CDH13: variants seen among roughly 807,000 people sequenced by gnomAD.
The protein encoded by CDH13 is cadherin 13, also known as cadherin-13.
Under a neutral mutation model 63.8 loss-of-function variants are expected in CDH13, and 24 were observed. The ratio of observed to expected loss-of-function variants is 0.38; its 90% CI spans 0.27 to 0.53. CDH13 has a LOEUF of 0.53. Among genes scored for constraint, CDH13 ranks in the 20% least tolerant of loss-of-function variants. The pLI, the probability that CDH13 is intolerant of heterozygous loss-of-function variation, is 0.85. For synonymous variants in CDH13, 503 were observed against 355.3 expected, an observed-to-expected ratio of 1.42 and a Z score of -4.67; for missense variants, 1,049 against 903.1, an observed-to-expected ratio of 1.16 and a Z score of -2.07.
At chr16:83,326,495 T>G (rs1176769264) in intron 5 of CDH13, among the ~76,000 whole-genome samples, 1 of 152,034 alleles carries the variant, frequency 6.6e-6, no homozygotes, top group Non-Finnish European at 1.5e-5. Context: ...AATATTTGTT[T>G]ATGTGTGACC....
chr16:82,687,962 C>A (rs1166743343), intron 1 of CDH13, among the ~76,000 whole-genome samples: 17 of 152,160 alleles, frequency 1.1e-4, no homozygotes, highest in Admixed American at 1.1e-3. Context: ...CGTAGGACAA[C>A]TTTTACTGTC....
chr16:83,133,975 C>G (rs1363204980), intron 4 of CDH13, among the ~76,000 whole-genome samples: 4 of 152,324 alleles, frequency 2.6e-5, no homozygotes, highest in South Asian at 2.1e-4. Context: ...GAATTGAATT[C>G]TAGCCATATG....
intron 5 of CDH13, among the ~76,000 whole-genome samples, chr16:83,236,237 G>GCACGCACA (rs1555517179): frequency 6.7e-6 from 1 of 149,006 alleles, no homozygotes; most frequent in Middle Eastern, 3.5e-3. Context: ...ACACGCACAT[G>GCACGCACA]CACACACACA....
At chr16:83,759,001 G>A (rs1236406621) in intron 11 of CDH13, among the ~76,000 whole-genome samples, 1 of 152,160 alleles carries the variant, frequency 6.6e-6, no homozygotes, top group East Asian at 1.9e-4. Context: ...ACCATGCAAA[G>A]TCCCAATCCC....
chr16:83,699,646 C>T (rs1235582238), intron 10 of CDH13, among the ~76,000 whole-genome samples: 1 of 151,862 alleles, frequency 6.6e-6, no homozygotes, highest in African/African-American at 2.4e-5. Flanking sequence ...CGTGTATGTG[C>T]ACACGCACAT....
intron 4 of CDH13, among the ~76,000 whole-genome samples, chr16:83,162,786 C>T (rs1172634260): frequency 8.5e-5 from 13 of 152,064 alleles, no homozygotes; most frequent in African/African-American, 4.8e-5. Context: ...GTGGCAAACT[C>T]CCCAGGTGAT....
At chr16:82,831,008 G>A (rs528904693) in intron 1 of CDH13, among the ~76,000 whole-genome samples, 7 of 152,148 alleles carry the variant, frequency 4.6e-5, no homozygotes, top group Non-Finnish European at 7.4e-5. Context: ...CTGAAGCTAC[G>A]GCCCCCTTCT....
chr16:83,342,841 CT>C (rs2090755835), intron 5 of CDH13, among the ~76,000 whole-genome samples: 2 of 34,590 alleles, frequency 5.8e-5, no homozygotes, highest in African/African-American at 2.3e-4. Context: ...TTTTTTGTTT[CT>C]GTTTTTTTTT....
rs1339090310 is a variant in CDH13, at chr16:82,710,887, T to C, written c.45+83750T>C. 2.0e-5 allele frequency among the ~76,000 whole-genome samples: 3 copies of C among 151,436 alleles called. No homozygotes were observed. The East Asian group carries it at 5.8e-4, about 29-fold the overall frequency. ...AATCAAACAGCCCATTATAAGCATA[T>C]ATGAAAGAACAGTTTGATTTGGCAT... On this transcript the variant is annotated intron_variant, in intron 1 of 13. Coordinates refer to ENST00000567109, the MANE Select transcript of CDH13 (RefSeq NM_001257.5).
At chr16:83,570,972 A>ATATATATGT (rs57638289) in intron 7 of CDH13, among the ~76,000 whole-genome samples, 3 of 109,626 alleles carry the variant, frequency 2.7e-5, no homozygotes, top group Non-Finnish European at 5.4e-5. Flanking sequence ...TATATATATA[A>ATATATATGT]AAACCTTCTG....
intron 3 of CDH13, among the ~76,000 whole-genome samples, chr16:83,107,228 A>C (rs143619343): frequency 0.015 from 2,227 of 152,314 alleles, 22 homozygotes; most frequent in Middle Eastern, 0.041. Context: ...GGTAGCTAAG[A>C]GTCCCGTTGA....
intron 11 of CDH13, among the ~76,000 whole-genome samples, chr16:83,770,655 T>G (rs969646128): frequency 2.6e-5 from 4 of 152,204 alleles, no homozygotes; most frequent in Non-Finnish European, 5.9e-5. Context: ...AAGGGGTGGA[T>G]TATTCATGCC....
In CDH13 at chr16:83,469,544, G is replaced by C. The variant is rs572099361; in HGVS notation, c.782-16933G>C. 1.4e-4 allele frequency among the ~76,000 whole-genome samples: 21 copies of C among 152,286 alleles called. No homozygotes were observed. In the South Asian group the frequency reaches 3.7e-3, roughly 27 times the overall value. ...ACATCCACGGTGAGCCACATTTCCT[G>C]ATACCAGATGCTTTCAGGGCAACCT... On this transcript the variant is annotated intron_variant, in intron 6 of 13. Coordinates refer to ENST00000567109, the MANE Select transcript of CDH13 (RefSeq NM_001257.5).
chr16:83,553,201 G>A (rs1392824290), intron 7 of CDH13, among the ~76,000 whole-genome samples: 12 of 152,172 alleles, frequency 7.9e-5, no homozygotes, highest in Admixed American at 6.5e-4. Flanking sequence ...GTTCGGAGCA[G>A]TCCTAACATT....
At chr16:83,294,686 A>G (rs79358868) in intron 5 of CDH13, among the ~76,000 whole-genome samples, 2,458 of 152,106 alleles carry the variant, frequency 0.016, 67 homozygotes, top group African/African-American at 0.049. Context: ...GAAGTGAATG[A>G]TCTTTACACT....
chr16:83,581,804 G>A (rs1024498466), intron 7 of CDH13, among the ~76,000 whole-genome samples: 4 of 152,130 alleles, frequency 2.6e-5, no homozygotes, highest in Non-Finnish European at 4.4e-5. Context: ...GGGTAACAGA[G>A]CAAGACCCTG....
chr16:83,404,882 T>C (rs1404539652), intron 6 of CDH13, among the ~76,000 whole-genome samples: 1 of 152,212 alleles, frequency 6.6e-6, no homozygotes, highest in Non-Finnish European at 1.5e-5. Flanking sequence ...TTAATGGCTA[T>C]GTGATGTTGC....
intron 2 of CDH13, among the ~76,000 whole-genome samples, chr16:82,862,191 T>C (rs2039971325): frequency 6.6e-6 from 1 of 152,168 alleles, no homozygotes; most frequent in African/African-American, 2.4e-5. Flanking sequence ...ATCTGGGAGC[T>C]GACATCTTAG....
chr16:83,133,098 A>T (rs911882614), intron 4 of CDH13, among the ~76,000 whole-genome samples: 1 of 152,212 alleles, frequency 6.6e-6, no homozygotes, highest in Non-Finnish European at 1.5e-5. Flanking sequence ...TGGTCAATGC[A>T]GTTATAAAGT....
Sources: gnomAD v4.1 joint callset for allele counts (sites outside exome capture counted in the v4.1 genomes callset) on GRCh38, gnomAD v4.1.1 for gene constraint, MANE v1.5 for transcripts, NCBI Gene and HGNC (gene_info 2026-07-23, HGNC 2026-07-21) for gene names.